ST8SIA2: variants seen among roughly 807,000 people sequenced by gnomAD.
ST8SIA2 encodes the protein alpha-2,8-sialyltransferase 8B.
ST8SIA2 carries 22 observed loss-of-function variants against 37.6 expected under a neutral mutation model. That is an observed-to-expected ratio of 0.58 (90% CI 0.42 to 0.83). The LOEUF (loss-of-function observed/expected upper bound fraction) is 0.83. ST8SIA2 is among the 40% of genes least tolerant of loss of function. ST8SIA2 has a pLI of 0.00. For synonymous variants in ST8SIA2, 205 were observed against 201.2 expected, an observed-to-expected ratio of 1.02 and a Z score of -0.16; for missense variants, 382 against 484.7, an observed-to-expected ratio of 0.79 and a Z score of 1.99.
intron 1 of ST8SIA2, among the ~76,000 whole-genome samples, chr15:92,424,385 A>T (rs1353630535): frequency 6.6e-6 from 1 of 152,134 alleles, no homozygotes; most frequent in African/African-American, 2.4e-5. Context: ...CAATTAAAAA[A>T]TTATTAAAAA....
At position 92,444,738 on chromosome 15, in the gene ST8SIA2, G is replaced by C; in HGVS notation, c.651G>C (p.Leu217Phe). ...TCATCCAGCGGGCCTTTGAGGACTT[G>C]GTCAATGCCACGTGGCGGGAGAAGC... is the stretch of plus-strand genomic sequence containing the variant. ...PSVIQRAFED[L>F]VNATWREKLL... is the part of the protein sequence containing the mutation. Residue 217 changes from leucine (L) to phenylalanine (F), a missense_variant, in exon 5 of 6, where the codon TTG (leucine) becomes TTC (phenylalanine). Leu to Phe is a conservative substitution (Grantham distance 22, BLOSUM62 0). Coordinates refer to ENST00000268164, the MANE Select transcript of ST8SIA2 (RefSeq NM_006011.4). 6.2e-7 allele frequency: 1 copy of C among 1,614,210 alleles called. No individual in the cohort carries two copies. The highest frequency in any genetic ancestry group is 8.5e-7 in the Non-Finnish European group (1 of 1,180,032).
At chr15:92,451,612 TAC>T (rs1049012468) in intron 5 of ST8SIA2, among the ~76,000 whole-genome samples, 6 of 152,108 alleles carry the variant, frequency 3.9e-5, no homozygotes, top group African/African-American at 1.2e-4. Flanking sequence ...GGCTCAGAAA[TAC>T]AGTCACACAT....
chr15:92,446,923 C>T (rs11630692), intron 5 of ST8SIA2, among the ~76,000 whole-genome samples: 41,603 of 151,896 alleles, frequency 0.27, 10,362 homozygotes, highest in African/African-American at 0.67. Flanking sequence ...AGGCAGGTGC[C>T]AGAATGCACA....
chr15:92,434,523 G>A (rs1301374219), intron 3 of ST8SIA2, 148 bp downstream of exon 3: 11 of 1,279,506 alleles, frequency 8.6e-6, no homozygotes, highest in South Asian at 3.9e-5. Context: ...GTGATCAATC[G>A]GAAATAAAAA....
intron 1 of ST8SIA2, among the ~76,000 whole-genome samples, chr15:92,408,867 G>A (rs186372420): frequency 2.7e-4 from 41 of 151,962 alleles, no homozygotes; most frequent in African/African-American, 8.0e-4. Flanking sequence ...CACCATGCCC[G>A]GCTAATTTTT....
intron 1 of ST8SIA2, among the ~76,000 whole-genome samples, chr15:92,394,857 A>T (rs2049418466): frequency 6.6e-6 from 1 of 152,196 alleles, no homozygotes; most frequent in South Asian, 2.1e-4. Flanking sequence ...GTGCGCTCGC[A>T]GCGCGGAGAC....
chr15:92,436,955 CAT>C (rs758992197), intron 3 of ST8SIA2, among the ~76,000 whole-genome samples: 95 of 152,188 alleles, frequency 6.2e-4, no homozygotes, highest in Non-Finnish European at 1.2e-3. Context: ...AGATTTCTCA[CAT>C]GTCAGCCTGG....
chr15:92,432,831 C>A (rs2049726181), intron 2 of ST8SIA2, among the ~76,000 whole-genome samples: 1 of 152,238 alleles, frequency 6.6e-6, no homozygotes, highest in Non-Finnish European at 1.5e-5. Context: ...TCCTTCTCTA[C>A]CTGCAAAAGT....
intron 3 of ST8SIA2, 76 bp from the exon 4 acceptor site, chr15:92,438,277 T>C: frequency 1.2e-6 from 2 of 1,611,496 alleles, no homozygotes; most frequent in Non-Finnish European, 1.7e-6. Context: ...AGGGCGACCC[T>C]GGATAGGAAA....
intron 1 of ST8SIA2, among the ~76,000 whole-genome samples, chr15:92,407,889 A>G (rs1269149322): frequency 1.3e-5 from 2 of 152,188 alleles, no homozygotes; most frequent in East Asian, 3.8e-4. Flanking sequence ...AAGTGAGTCA[A>G]TTTAAAGGAA....
chr15:92,429,935 G>A (rs2049702894), intron 1 of ST8SIA2, 114 bp from the exon 2 acceptor site: 6 of 1,143,908 alleles, frequency 5.2e-6, no homozygotes, highest in South Asian at 1.3e-5. Context: ...CCAGAATGAG[G>A]TCTCTTCCAC....
At chr15:92,396,557 A>G (rs546743215) in intron 1 of ST8SIA2, among the ~76,000 whole-genome samples, 33 of 151,384 alleles carry the variant, frequency 2.2e-4, no homozygotes, top group South Asian at 2.1e-4. Context: ...GCAGTGGCAC[A>G]ATCTCGGCTC....
At chr15:92,434,447 G>A (rs1008403896) in intron 3 of ST8SIA2, 72 bp downstream of exon 3, 22 of 1,600,456 alleles carry the variant, frequency 1.4e-5, no homozygotes, top group Admixed American at 8.3e-5. Flanking sequence ...GCTTCTCTTC[G>A]TCATCTAAAG....
chr15:92,468,722 T>A lies in ST8SIA2; in HGVS notation c.*4337T>A, dbSNP rs1197741108. The A allele has an allele frequency of 6.5e-6, 1 of 152,672 alleles. No individual in the cohort carries two copies. The highest frequency in any genetic ancestry group is 1.5e-5 in the Non-Finnish European group (1 of 68,048). 9.5% of individuals were successfully genotyped at this position (152,672 alleles called of 1,614,324 possible). ...CTCAATAAATGTTTGTTGGATTAAA[T>A]CCTTAATACCTGTAGAGGGCTTTAT... On this transcript the variant is annotated 3_prime_UTR_variant, in exon 6 of 6. Transcript: ENST00000268164.
intron 2 of ST8SIA2, 142 bp from the exon 3 acceptor site, chr15:92,434,105 C>T: frequency 8.9e-7 from 1 of 1,125,272 alleles, no homozygotes; most frequent in Non-Finnish European, 1.3e-6. Context: ...AAATAGACTT[C>T]CTTCTCTTCT....
intron 5 of ST8SIA2, among the ~76,000 whole-genome samples, chr15:92,452,774 G>A (rs997253143): frequency 1.3e-5 from 2 of 152,164 alleles, no homozygotes; most frequent in Admixed American, 6.5e-5. Context: ...GGGGACAAAT[G>A]TTGACTTCTC....
chr15:92,453,849 T>C (rs1181259321), intron 5 of ST8SIA2, among the ~76,000 whole-genome samples: 2 of 152,194 alleles, frequency 1.3e-5, no homozygotes, highest in Admixed American at 6.5e-5. Context: ...CTGCCCTCCA[T>C]TGGCTCATAG....
intron 1 of ST8SIA2, among the ~76,000 whole-genome samples, chr15:92,414,959 G>A (rs1190175450): frequency 5.3e-5 from 8 of 152,254 alleles, no homozygotes; most frequent in Admixed American, 2.0e-4. Flanking sequence ...GGACCCAAGA[G>A]GCAGAACCTC....
At chr15:92,419,530 G>T (rs1461148644) in intron 1 of ST8SIA2, among the ~76,000 whole-genome samples, 1 of 152,178 alleles carries the variant, frequency 6.6e-6, no homozygotes, top group Non-Finnish European at 1.5e-5. Flanking sequence ...ATGGTCTGGG[G>T]AGGGGGTGCT....
Sources: allele counts gnomAD v4.1 joint callset (sites outside exome capture counted in the v4.1 genomes callset), GRCh38; gene constraint gnomAD v4.1.1; transcripts MANE v1.5; gene names NCBI Gene and HGNC (gene_info 2026-07-23, HGNC 2026-07-21).